The following MKLN1 variants were observed in gnomAD, a reference collection of about 807,000 sequenced individuals.
The protein encoded by MKLN1 is muskelin.
In MKLN1, 18 loss-of-function variants were observed where a neutral mutation model predicts 99.0. The ratio of observed to expected loss-of-function variants is 0.18; its 90% CI spans 0.13 to 0.27. The LOEUF (loss-of-function observed/expected upper bound fraction) is 0.27. MKLN1 is among the 10% of genes least tolerant of loss of function. The pLI is 1.00. For missense variants in MKLN1, 621 were observed against 875.9 expected, an observed-to-expected ratio of 0.71 and a Z score of 3.67; for synonymous variants, 288 against 293.2, an observed-to-expected ratio of 0.98 and a Z score of 0.18.
At chr7:131,340,055 C>T (rs891010934) in intron 1 of MKLN1, among the ~76,000 whole-genome samples, 3 of 151,944 alleles carry the variant, frequency 2.0e-5, no homozygotes, top group Non-Finnish European at 4.4e-5. Flanking sequence ...CTGTCACTGT[C>T]CTCTTTCTTC....
chr7:131,151,760 C>G (rs1290089020), intron 2 of MKLN1, among the ~76,000 whole-genome samples: 1 of 152,128 alleles, frequency 6.6e-6, no homozygotes, highest in Non-Finnish European at 1.5e-5. Flanking sequence ...TTCTATCACT[C>G]AGAGATATCA....
chr7:131,144,612 G>C (rs181381725), intron 2 of MKLN1, among the ~76,000 whole-genome samples: 1 of 151,996 alleles, frequency 6.6e-6, no homozygotes, highest in Admixed American at 6.6e-5. Flanking sequence ...CTCCCAAAGC[G>C]CTGGGGTTAC....
At chr7:131,409,122 C>G (rs1794795598) in intron 6 of MKLN1, among the ~76,000 whole-genome samples, 1 of 152,076 alleles carries the variant, frequency 6.6e-6, no homozygotes, top group African/African-American at 2.4e-5. Flanking sequence ...CTTTAAATTT[C>G]TTATTTACTA....
intron 2 of MKLN1, among the ~76,000 whole-genome samples, chr7:131,192,093 TATATGTATATATATATTA>T (rs1796555311): frequency 1.2e-5 from 1 of 80,788 alleles, no homozygotes; most frequent in African/African-American, 4.9e-5. Flanking sequence ...ATATTATATA[TATATGTATATATATATTA>T]TATATATACG....
At position 131,192,053 on chromosome 7, in the gene MKLN1, C is replaced by CGT. The variant is rs1796550592; in HGVS notation, c.-296-10804_-296-10803insGT. Among the ~76,000 whole-genome samples the CGT allele has an allele frequency of 3.7e-5, 4 of 109,026 alleles. 1 individual carries two copies. The highest frequency in any genetic ancestry group is 1.7e-4 in the African/African-American group (4 of 23,808). 71.5% of individuals were successfully genotyped at this position (109,026 alleles called of 152,430 possible). ...GTGTATGTGTGTGTGTATATGTATA[C>CGT]ATGTATATATATATTATATATATAC... On this transcript the variant is annotated intron_variant, in intron 2 of 7. Transcript: ENST00000416992.
intron 2 of MKLN1, among the ~76,000 whole-genome samples, chr7:131,176,555 G>T (rs1001707069): frequency 4.6e-5 from 7 of 152,112 alleles, no homozygotes. Flanking sequence ...CCAGCAATAA[G>T]CAAAAATAAA....
At chr7:131,206,530 G>GTGTAATTATTATTATTATTAT (rs754090884) in intron 3 of MKLN1, among the ~76,000 whole-genome samples, 177 of 144,752 alleles carry the variant, frequency 1.2e-3, no homozygotes, top group South Asian at 4.0e-3. Context: ...GTATGTATGT[G>GTGTAATTATTATTATTATTAT]TATAATTATT....
At chr7:131,197,147 G>A (rs1425819730) in intron 2 of MKLN1, among the ~76,000 whole-genome samples, 1 of 152,104 alleles carries the variant, frequency 6.6e-6, no homozygotes, top group Admixed American at 6.6e-5. Flanking sequence ...TTCCAAAATA[G>A]TGCATTACTA....
chr7:131,283,432 CT>C (rs755106012), intron 3 of MKLN1, among the ~76,000 whole-genome samples: 120 of 123,202 alleles, frequency 9.7e-4, no homozygotes, highest in East Asian at 6.9e-3. Context: ...TCTTTCTTCT[CT>C]TTTTTTTTTT....
At chr7:131,168,685 GCCTTT>G (rs1796171491) in intron 2 of MKLN1, among the ~76,000 whole-genome samples, 1 of 151,324 alleles carries the variant, frequency 6.6e-6, no homozygotes. Flanking sequence ...TGCCAGTTAA[GCCTTT>G]ATGTATATTT....
At chr7:131,435,261 T>G (rs1290866049) in intron 9 of MKLN1, among the ~76,000 whole-genome samples, 1 of 152,198 alleles carries the variant, frequency 6.6e-6, no homozygotes, top group East Asian at 1.9e-4. Context: ...TGTTTGGTAA[T>G]ATTTTGTTAA....
intron 3 of MKLN1, among the ~76,000 whole-genome samples, chr7:131,278,810 G>T (rs1011892097): frequency 1.3e-5 from 2 of 151,574 alleles, no homozygotes; most frequent in Non-Finnish European, 2.9e-5. Flanking sequence ...ACGTTGCCCA[G>T]GCTGGTCTCG....
chr7:131,119,714 C>A (rs1263940117), intron 1 of MKLN1, among the ~76,000 whole-genome samples: 11 of 152,198 alleles, frequency 7.2e-5, no homozygotes, highest in Non-Finnish European at 1.6e-4. Flanking sequence ...ATGGAAGCCA[C>A]CAAAACTTGG....
chr7:131,423,312 T>G (rs1428685879), intron 8 of MKLN1, among the ~76,000 whole-genome samples: 1 of 152,012 alleles, frequency 6.6e-6, no homozygotes, highest in East Asian at 1.9e-4. Context: ...TATATGAAAG[T>G]GCTTTTATTA....
chr7:131,340,709 T>C (rs1243667955), intron 1 of MKLN1, among the ~76,000 whole-genome samples: 1 of 152,268 alleles, frequency 6.6e-6, no homozygotes, highest in Non-Finnish European at 1.5e-5. Flanking sequence ...ATTTATTAAA[T>C]GAGTAAATGA....
At chr7:131,351,175 G>A (rs1223383429) in intron 1 of MKLN1, among the ~76,000 whole-genome samples, 1 of 151,962 alleles carries the variant, frequency 6.6e-6, no homozygotes, top group Non-Finnish European at 1.5e-5. Flanking sequence ...TTGAGTCCAG[G>A]AGGTCGAGGC....
intron 2 of MKLN1, among the ~76,000 whole-genome samples, chr7:131,376,945 C>T (rs1403423559): frequency 2.6e-5 from 4 of 151,904 alleles, no homozygotes; most frequent in African/African-American, 9.7e-5. Context: ...TATAAATTTT[C>T]TGTGACTAGC....
intron 17 of MKLN1, among the ~76,000 whole-genome samples, chr7:131,479,271 C>T (rs1198931238): frequency 6.6e-6 from 1 of 152,160 alleles, no homozygotes; most frequent in Non-Finnish European, 1.5e-5. Context: ...CACAGTGGCT[C>T]ACACCTATAA....
At chr7:131,211,823 T>C (rs987405015) in intron 3 of MKLN1, among the ~76,000 whole-genome samples, 5 of 152,200 alleles carry the variant, frequency 3.3e-5, no homozygotes, top group East Asian at 1.9e-4. Context: ...TTTCACTGTT[T>C]ATGTATCCCA....
Sources: gnomAD v4.1 joint callset for allele counts (sites outside exome capture counted in the v4.1 genomes callset) on GRCh38, gnomAD v4.1.1 for gene constraint, MANE v1.5 for transcripts, NCBI Gene and HGNC (gene_info 2026-07-23, HGNC 2026-07-21) for gene names.